Variants in WDPCP observed in about 807,000 individuals in gnomAD.
WDPCP encodes the protein WD repeat-containing and planar cell polarity effector protein fritz homolog.
A neutral mutation model predicts 93.1 loss-of-function variants in WDPCP; 71 were observed. The observed-to-expected ratio is 0.76, with a 90% CI of 0.63 to 0.93. WDPCP has a LOEUF of 0.93. Among genes scored for constraint, WDPCP ranks in the 40% least tolerant of loss-of-function variants. The pLI is 0.00. For missense variants in WDPCP, 844 were observed against 887.4 expected (o/e 0.95, Z 0.62); for synonymous variants, 315 against 315.0 (o/e 1.00, Z 0.00).
chr2:63,295,976 G>C (rs984433846), intron 13 of WDPCP, among the ~76,000 whole-genome samples: 6 of 147,830 alleles, frequency 4.1e-5, no homozygotes, highest in Non-Finnish European at 7.4e-5. Context: ...ATCATGCAAA[G>C]ACACAACAAA....
At chr2:63,701,966 T>C (rs1314071567) in intron 2 of WDPCP, among the ~76,000 whole-genome samples, 2 of 152,238 alleles carry the variant, frequency 1.3e-5, no homozygotes, top group East Asian at 3.8e-4. Flanking sequence ...TTACAATATC[T>C]ATTGTATATT....
chr2:63,338,959 T>C (rs1376248281), intron 12 of WDPCP, among the ~76,000 whole-genome samples: 2 of 152,128 alleles, frequency 1.3e-5, no homozygotes, highest in Non-Finnish European at 2.9e-5. Flanking sequence ...ATCTGTAAAT[T>C]GCCTTGGGCA....
chr2:63,421,231 G>T (rs959223616), intron 9 of WDPCP, among the ~76,000 whole-genome samples: 5 of 152,018 alleles, frequency 3.3e-5, no homozygotes, highest in African/African-American at 1.2e-4. Flanking sequence ...AGAATAAAAA[G>T]AAAAGTTTAG....
intron 1 of WDPCP, chr2:63,518,058 T>C (rs1163102325): frequency 6.6e-6 from 1 of 152,300 alleles, no homozygotes; most frequent in African/African-American, 2.4e-5. Context: ...CCAGCTAATT[T>C]TGTACTTTTA....
chr2:63,413,715 G>A (rs576060719), intron 9 of WDPCP, among the ~76,000 whole-genome samples: 90 of 152,204 alleles, frequency 5.9e-4, no homozygotes, highest in Non-Finnish European at 9.4e-4. Context: ...GGAGAATGGT[G>A]TGAACCTGGG....
chr2:63,261,812 T>G (rs528788188), intron 13 of WDPCP, among the ~76,000 whole-genome samples: 1 of 152,294 alleles, frequency 6.6e-6, no homozygotes, highest in East Asian at 1.9e-4. Context: ...GTAGAGAAGG[T>G]TTGCTGGCCC....
intron 4 of WDPCP, among the ~76,000 whole-genome samples, chr2:63,485,230 G>T (rs1700500104): frequency 6.6e-6 from 1 of 151,750 alleles, no homozygotes. Context: ...GAGAATCCCT[G>T]GGAAAGTTTG....
chr2:63,260,866 GC>G (rs1681568841), intron 13 of WDPCP, among the ~76,000 whole-genome samples: 1 of 152,194 alleles, frequency 6.6e-6, no homozygotes, highest in Non-Finnish European at 1.5e-5. Flanking sequence ...ACTTTATAGA[GC>G]CAAGGATCAG....
chr2:63,267,886 A>T (rs978639150), intron 13 of WDPCP, among the ~76,000 whole-genome samples: 1 of 152,184 alleles, frequency 6.6e-6, no homozygotes, highest in Non-Finnish European at 1.5e-5. Flanking sequence ...GGGAATGCAA[A>T]TTAGTACAGC....
chr2:63,581,761 C>T (rs906583430), intron 1 of WDPCP, among the ~76,000 whole-genome samples: 3 of 152,142 alleles, frequency 2.0e-5, no homozygotes, highest in Non-Finnish European at 1.5e-5. Flanking sequence ...AATCCCAGCA[C>T]TTTGGGAGGC....
At chr2:63,589,251 C>G (rs1480562471), upstream of WDPCP, 7 of 1,552,894 alleles carry the variant, frequency 4.5e-6, no homozygotes, top group East Asian at 1.2e-4. Flanking sequence ...GTATGGGGCG[C>G]TCTTAGGAGG....
chr2:63,282,835 TC>T (rs1482939305), intron 13 of WDPCP, among the ~76,000 whole-genome samples: 12 of 152,306 alleles, frequency 7.9e-5, no homozygotes, highest in African/African-American at 2.9e-4. Context: ...GATATTCATG[TC>T]CTTTATATAA....
At position 63,121,789 on chromosome 2, in the gene WDPCP, G is replaced by T. The variant is rs1327936817; in HGVS notation, c.*217C>A. The T allele has an allele frequency of 8.2e-7, 1 of 1,219,680 alleles. No homozygotes were observed. 75.6% of individuals were successfully genotyped at this position (1,219,680 alleles called of 1,614,324 possible). A position where few individuals can be genotyped will look rare whatever the true frequency, so the allele number is the denominator to read the frequency against. On this transcript the variant is annotated 3_prime_UTR_variant, in exon 18 of 18. Transcript: ENST00000272321. ...ATTTTACATTATTGAAAATAAGTAG[G>T]TTGAAGACTTTTACTTACGATCACT...
At chr2:63,815,728 T>G (rs1255340287) in intron 1 of WDPCP, among the ~76,000 whole-genome samples, 2 of 152,202 alleles carry the variant, frequency 1.3e-5, no homozygotes, top group African/African-American at 4.8e-5. Flanking sequence ...GGAGCTGCAT[T>G]TAAATTCCAA....
intron 2 of WDPCP, among the ~76,000 whole-genome samples, chr2:63,673,359 A>G (rs1710368379): frequency 6.6e-6 from 1 of 152,202 alleles, no homozygotes. Context: ...TTTTCAGACC[A>G]CAATATCAGC....
chr2:63,672,737 T>TTTTA (rs1284714154), intron 2 of WDPCP, among the ~76,000 whole-genome samples: 1 of 147,300 alleles, frequency 6.8e-6, no homozygotes, highest in African/African-American at 2.5e-5. Flanking sequence ...TTTTATTTTA[T>TTTTA]TTTATTTTAT....
chr2:63,503,052 G>T (rs1018605885), intron 1 of WDPCP, among the ~76,000 whole-genome samples: 1 of 152,204 alleles, frequency 6.6e-6, no homozygotes, highest in Admixed American at 6.5e-5. Context: ...TCAAAGAATT[G>T]TGGCAAAAAT....
At chr2:63,136,448 A>C (rs1670625018) in intron 17 of WDPCP, among the ~76,000 whole-genome samples, 1 of 152,172 alleles carries the variant, frequency 6.6e-6, no homozygotes, top group African/African-American at 2.4e-5. Flanking sequence ...GTATAATAAA[A>C]TATATAATGT....
intron 3 of WDPCP, 31 bp downstream of exon 3, chr2:63,487,416 A>G (rs1468663287): frequency 2.0e-6 from 3 of 1,511,200 alleles, no homozygotes; most frequent in Non-Finnish European, 2.7e-6. Flanking sequence ...TTTAGTTAAT[A>G]AAAATTAATT....
Sources: allele counts gnomAD v4.1 joint callset (sites outside exome capture counted in the v4.1 genomes callset), GRCh38; gene constraint gnomAD v4.1.1; transcripts MANE v1.5; gene names NCBI Gene and HGNC (gene_info 2026-07-23, HGNC 2026-07-21).